Variants in TPD52L1 observed in about 807,000 individuals in gnomAD.
TPD52L1 encodes tumor protein D53.
In TPD52L1, 18 loss-of-function variants were observed where a neutral mutation model predicts 28.7. The observed-to-expected ratio is 0.63, with a 90% CI of 0.43 to 0.93. The LOEUF (loss-of-function observed/expected upper bound fraction) is 0.93, where lower values mean the gene tolerates loss of function less well. Ranked by LOEUF, TPD52L1 falls within the 40% of genes least tolerant of loss-of-function variation. The pLI, the probability that TPD52L1 is intolerant of heterozygous loss-of-function variation, is 0.00. For synonymous variants in TPD52L1, 75 were observed against 88.8 expected (o/e 0.84, Z 0.88); for missense variants, 203 against 254.8 (o/e 0.80, Z 1.39).
chr6:125,253,595 C>T (rs1723983882), intron 4 of TPD52L1, 122 bp from the exon 5 acceptor site: 2 of 870,932 alleles, frequency 2.3e-6, no homozygotes. Context: ...GTTAGATGGG[C>T]AGGGAATATT....
At chr6:125,248,136 G>A in intron 3 of TPD52L1, 146 bp from the exon 4 acceptor site, 1 of 666,222 alleles carries the variant, frequency 1.5e-6, no homozygotes, top group Non-Finnish European at 2.6e-6. Context: ...ATCATCCCCA[G>A]ACAATGAATG....
At chr6:125,242,115 ATATATTTGTATAG>A (rs1796650138) in intron 3 of TPD52L1, among the ~76,000 whole-genome samples, 1 of 152,152 alleles carries the variant, frequency 6.6e-6, no homozygotes, top group Non-Finnish European at 1.5e-5. Context: ...TTTAATATCT[ATATATTTGTATAG>A]TTTTGAGGCT....
chr6:125,230,746 C>T (rs1795899272), intron 3 of TPD52L1, among the ~76,000 whole-genome samples: 1 of 152,094 alleles, frequency 6.6e-6, no homozygotes, highest in Non-Finnish European at 1.5e-5. Context: ...TAAATATGGC[C>T]TAGCAGTCCT....
chr6:125,172,081 TC>T (rs1791349863), intron 1 of TPD52L1, among the ~76,000 whole-genome samples: 1 of 93,444 alleles, frequency 1.1e-5, no homozygotes, highest in African/African-American at 7.4e-5. Context: ...TCTTTCTTTC[TC>T]TTTCTTTCTT....
At chr6:125,228,317 T>G (rs1041708944) in intron 2 of TPD52L1, among the ~76,000 whole-genome samples, 2 of 152,232 alleles carry the variant, frequency 1.3e-5, no homozygotes, top group Admixed American at 6.5e-5. Context: ...GGTAGATACA[T>G]ATGTTAAAAC....
In TPD52L1 at chr6:125,153,784, G is replaced by C. The variant is rs1789924722; in HGVS notation, c.-168G>C. 1 of 683,104 alleles carries C rather than the reference G, an allele frequency of 1.5e-6. No homozygotes were observed. The allele number at this position is 683,104 out of a possible 1,614,324, so 42.3% of individuals were successfully genotyped here. ...GGGCGGAGGTAACCAGAAGCGGCTA[G>C]TGGCGGCTGCCTGCGTCCCCAACCC... On this transcript the variant is annotated 5_prime_UTR_variant, in exon 1 of 7. Coordinates refer to ENST00000534000, the MANE Select transcript of TPD52L1 (RefSeq NM_003287.4).
At chr6:125,192,348 C>T (rs1293821127) in intron 1 of TPD52L1, among the ~76,000 whole-genome samples, 1 of 151,288 alleles carries the variant, frequency 6.6e-6, no homozygotes, top group Admixed American at 6.6e-5. Flanking sequence ...CTGGTGTTGC[C>T]TCAGCAGGAT....
intron 1 of TPD52L1, among the ~76,000 whole-genome samples, chr6:125,172,545 T>TATATATATA (rs1791536320): frequency 1.0e-5 from 1 of 99,654 alleles, no homozygotes; most frequent in Non-Finnish European, 1.9e-5. Context: ...TATATATATA[T>TATATATATA]ATATATAATA....
At chr6:125,179,115 A>G (rs918227413) in intron 1 of TPD52L1, among the ~76,000 whole-genome samples, 10 of 152,234 alleles carry the variant, frequency 6.6e-5, no homozygotes, top group Non-Finnish European at 1.2e-4. Context: ...CTTAACAGAC[A>G]TATCTGGCTG....
intron 1 of TPD52L1, among the ~76,000 whole-genome samples, chr6:125,205,600 T>C (rs1204101693): frequency 3.9e-5 from 6 of 152,212 alleles, no homozygotes; most frequent in Non-Finnish European, 8.8e-5. Context: ...TTTAGGCTTA[T>C]GTATATTCCT....
At chr6:125,159,825 G>T (rs1790393064) in intron 1 of TPD52L1, among the ~76,000 whole-genome samples, 1 of 152,166 alleles carries the variant, frequency 6.6e-6, no homozygotes, top group African/African-American at 2.4e-5. Flanking sequence ...GAACTCTTGG[G>T]TGACCACGTA....
chr6:125,247,121 G>A (rs887837374), intron 3 of TPD52L1, among the ~76,000 whole-genome samples: 2 of 151,922 alleles, frequency 1.3e-5, no homozygotes, highest in African/African-American at 4.8e-5. Flanking sequence ...GAGATGGAAG[G>A]GGTAGAGGAA....
At chr6:125,202,168 GTAAA>G (rs1470959681) in intron 1 of TPD52L1, among the ~76,000 whole-genome samples, 1 of 151,956 alleles carries the variant, frequency 6.6e-6, no homozygotes, top group Non-Finnish European at 1.5e-5. Flanking sequence ...TTAGAGAACT[GTAAA>G]AATCTCAGGC....
intron 1 of TPD52L1, among the ~76,000 whole-genome samples, chr6:125,197,538 T>C (rs1295639785): frequency 1.3e-5 from 2 of 152,156 alleles, no homozygotes; most frequent in Non-Finnish European, 2.9e-5. Flanking sequence ...TCTTTCTGCT[T>C]GCTAGGCCCA....
intron 3 of TPD52L1, among the ~76,000 whole-genome samples, chr6:125,232,225 T>A (rs957789448): frequency 6.6e-6 from 1 of 152,198 alleles, no homozygotes; most frequent in African/African-American, 2.4e-5. Context: ...CCTTTAGGAA[T>A]GAAGTGAACT....
At chr6:125,187,851 A>T (rs1032721439) in intron 1 of TPD52L1, among the ~76,000 whole-genome samples, 4 of 152,230 alleles carry the variant, frequency 2.6e-5, no homozygotes, top group South Asian at 2.1e-4. Flanking sequence ...TGTCAGATGC[A>T]CTTTTATTTG....
At chr6:125,187,262 G>A (rs1365665024) in intron 1 of TPD52L1, among the ~76,000 whole-genome samples, 1 of 152,132 alleles carries the variant, frequency 6.6e-6, no homozygotes, top group Non-Finnish European at 1.5e-5. Flanking sequence ...CCTTGGACAG[G>A]CAAAATATTA....
intron 1 of TPD52L1, among the ~76,000 whole-genome samples, chr6:125,179,616 G>A (rs189189430): frequency 1.3e-5 from 2 of 152,254 alleles, no homozygotes; most frequent in Admixed American, 1.3e-4. Flanking sequence ...CGGTACCACT[G>A]TTTTATTTTT....
chr6:125,165,800 T>C (rs984205447), intron 1 of TPD52L1, among the ~76,000 whole-genome samples: 6 of 152,138 alleles, frequency 3.9e-5, no homozygotes, highest in Admixed American at 1.3e-4. Context: ...AAAAGATCCG[T>C]AAAAGTCACA....
Sources: gnomAD v4.1 joint callset for allele counts (sites outside exome capture counted in the v4.1 genomes callset) on GRCh38, gnomAD v4.1.1 for gene constraint, MANE v1.5 for transcripts, NCBI Gene and HGNC (gene_info 2026-07-23, HGNC 2026-07-21) for gene names.